SPECC1: variants seen among roughly 807,000 people sequenced by gnomAD.
The protein encoded by SPECC1 is cytospin-B.
A neutral mutation model predicts 104.1 loss-of-function variants in SPECC1; 62 were observed. The observed-to-expected ratio is 0.60, with a 90% CI of 0.49 to 0.74. The LOEUF (loss-of-function observed/expected upper bound fraction) is 0.74, where lower values mean the gene tolerates loss of function less well. SPECC1 is among the 30% of genes least tolerant of loss of function. SPECC1 has a pLI of 0.00. For missense variants in SPECC1, 1,306 were observed against 1,310.5 expected (o/e 1.00, Z 0.05); for synonymous variants, 513 against 501.6 (o/e 1.02, Z -0.30).
intron 1 of SPECC1, among the ~76,000 whole-genome samples, chr17:20,020,358 CAG>C (rs1364273184): frequency 1.3e-5 from 2 of 151,552 alleles, no homozygotes; most frequent in Non-Finnish European, 2.9e-5. Context: ...TTTTTTGAGA[CAG>C]AGTCTTACTC....
At chr17:20,194,468 T>G (rs935922191) in intron 3 of SPECC1, among the ~76,000 whole-genome samples, 2 of 150,774 alleles carry the variant, frequency 1.3e-5, no homozygotes, top group Admixed American at 6.7e-5. Context: ...CATAACCAAT[T>G]TCTCCAATTG....
At chr17:20,061,802 A>G (rs2046192654) in intron 1 of SPECC1, among the ~76,000 whole-genome samples, 1 of 152,220 alleles carries the variant, frequency 6.6e-6, no homozygotes. Flanking sequence ...AGGCACTCTG[A>G]AAGACAAGAC....
At chr17:20,244,310 G>C (rs919209662) in intron 7 of SPECC1, among the ~76,000 whole-genome samples, 1 of 152,156 alleles carries the variant, frequency 6.6e-6, no homozygotes. Flanking sequence ...ATTATTTTCT[G>C]CTCAAACCTA....
intron 4 of SPECC1, among the ~76,000 whole-genome samples, chr17:20,206,412 G>T (rs1210459724): frequency 1.3e-5 from 2 of 152,144 alleles, no homozygotes; most frequent in Admixed American, 1.3e-4. Context: ...TTTTCTTCCA[G>T]ATATATGTGT....
chr17:20,192,671 T>G (rs922084849), intron 3 of SPECC1, among the ~76,000 whole-genome samples: 29 of 152,230 alleles, frequency 1.9e-4, no homozygotes, highest in Admixed American at 6.5e-5. Context: ...GTTTCTTTCA[T>G]CTGTACTTTA....
intron 2 of SPECC1, among the ~76,000 whole-genome samples, chr17:20,104,764 AAAG>A (rs2048115043): frequency 1.3e-5 from 2 of 149,222 alleles, no homozygotes; most frequent in African/African-American, 2.5e-5. Context: ...AAAAAAAAAA[AAAG>A]AAAAAAAAAT....
At chr17:20,260,485 A>G (rs1165684199) in intron 12 of SPECC1, among the ~76,000 whole-genome samples, 191 bp downstream of exon 12, 1 of 152,214 alleles carries the variant, frequency 6.6e-6, no homozygotes, top group Admixed American at 6.5e-5. Flanking sequence ...GACAGAGGCA[A>G]ATGCAACTGA....
intron 1 of SPECC1, among the ~76,000 whole-genome samples, chr17:20,088,367 G>A (rs774489882): frequency 3.5e-4 from 54 of 152,284 alleles, no homozygotes; most frequent in Non-Finnish European, 6.5e-4. Context: ...GCATTAAGTG[G>A]TAGGCAAGAA....
chr17:20,253,594 A>T lies in SPECC1; in HGVS notation c.2680+8A>T. ...CTGACCTTCCCCTCTCAGGTAAATT[A>T]TGTCAACATAAAGAACTTTTGACTT... On this transcript the variant is annotated splice_region_variant and intron_variant, in intron 10 of 14. Coordinates refer to ENST00000395527, the MANE Select transcript of SPECC1 (RefSeq NM_001243439.2). 1 of 1,613,560 alleles carries T rather than the reference A, an allele frequency of 6.2e-7. No individual in the cohort carries two copies. The highest frequency in any genetic ancestry group is 2.2e-5 in the East Asian group (1 of 44,870).
intron 1 of SPECC1, among the ~76,000 whole-genome samples, chr17:20,066,431 C>A (rs2046360157): frequency 6.6e-6 from 1 of 152,188 alleles, no homozygotes; most frequent in African/African-American, 2.4e-5. Context: ...GGAACTTAGC[C>A]TGCACGGAGA....
chr17:20,241,517 G>T (rs1278144132), intron 7 of SPECC1, among the ~76,000 whole-genome samples: 1 of 152,130 alleles, frequency 6.6e-6, no homozygotes, highest in Non-Finnish European at 1.5e-5. Flanking sequence ...GGGAATTGAG[G>T]GAAAGCCCTT....
intron 3 of SPECC1, among the ~76,000 whole-genome samples, chr17:20,129,232 T>C (rs1465264845): frequency 6.6e-6 from 1 of 151,440 alleles, no homozygotes; most frequent in Non-Finnish European, 1.5e-5. Flanking sequence ...ATCACCAGGC[T>C]GGAGTGCAGT....
At chr17:20,148,339 A>G (rs1261517080) in intron 3 of SPECC1, among the ~76,000 whole-genome samples, 1 of 151,996 alleles carries the variant, frequency 6.6e-6, no homozygotes, top group Non-Finnish European at 1.5e-5. Context: ...TCCTGGGCTC[A>G]AGTGGTTCTC....
In SPECC1 at chr17:20,317,204, C is replaced by T. The variant is rs1041130035; in HGVS notation, c.*3139C>T. ...CTGAGGTGGGAGGATTGCTTGAGCCCAGGAGTTTGAGACCAGCCTGGGCAA... is the reference window on the plus strand; with the variant it reads ...CTGAGGTGGGAGGATTGCTTGAGCCTAGGAGTTTGAGACCAGCCTGGGCAA... On this transcript the variant is annotated 3_prime_UTR_variant, in exon 15 of 15. Transcript: ENST00000395527. 6.0e-6 allele frequency: 1 copy of T among 167,868 alleles called. No homozygotes were observed. The highest frequency in any genetic ancestry group is 1.3e-5 in the Non-Finnish European group (1 of 79,722). The allele number at this position is 167,868 out of a possible 1,614,324, so 10.4% of individuals were successfully genotyped here.
rs371566248 is a variant in SPECC1, at chr17:20,271,117, A to G, written c.2940+10823A>G. On this transcript the variant is annotated intron_variant, in intron 12 of 14. Coordinates refer to ENST00000395527, the MANE Select transcript of SPECC1 (RefSeq NM_001243439.2). The stretch of plus-strand genomic sequence containing the variant: ...TTTATCAAAGCTCTGCATGCCCACA[A>G]TCAGGTATGCAGAGATCCTGATGAG... 3.5e-3 allele frequency among the ~76,000 whole-genome samples: 539 copies of G among 151,852 alleles called. 1 individual carries two copies. The highest frequency in any genetic ancestry group is 0.013 in the African/African-American group (521 of 41,412).
In SPECC1 at chr17:20,239,001, G is replaced by A. The variant is rs141228760; in HGVS notation, c.2351+6596G>A. 667 of 1,035,940 alleles carry A rather than the reference G, an allele frequency of 6.4e-4. 5 individuals carry two copies. The African/African-American group carries it at 9.7e-3, about 15-fold the overall frequency. 64.2% of individuals were successfully genotyped at this position (1,035,940 alleles called of 1,614,324 possible). A position where few individuals can be genotyped will look rare whatever the true frequency, so the allele number is the denominator to read the frequency against. On this transcript the variant is annotated intron_variant, in intron 7 of 14. Transcript: ENST00000395527. ...TTTCAGAACTTCAAAGTCACATCAAGTAACTAGAATTTGAGGTAGAAAAAA... is the reference window on the plus strand; with the variant it reads ...TTTCAGAACTTCAAAGTCACATCAAATAACTAGAATTTGAGGTAGAAAAAA...
chr17:20,109,523 C>T (rs548627116), intron 2 of SPECC1, among the ~76,000 whole-genome samples: 1 of 152,292 alleles, frequency 6.6e-6, no homozygotes, highest in Admixed American at 6.5e-5. Flanking sequence ...GACTTCAGCA[C>T]CTTTTAGCAA....
intron 7 of SPECC1, among the ~76,000 whole-genome samples, chr17:20,242,536 T>C (rs989036679): frequency 2.0e-5 from 3 of 152,228 alleles, no homozygotes; most frequent in Admixed American, 6.5e-5. Context: ...TTCTCTAGTA[T>C]GGGTTGCCGC....
At position 20,079,162 on chromosome 17, in the gene SPECC1, C is replaced by T. The variant is rs141037600; in HGVS notation, c.-21-17469C>T. On this transcript the variant is annotated intron_variant, in intron 1 of 14. Coordinates refer to ENST00000395527, the MANE Select transcript of SPECC1 (RefSeq NM_001243439.2). ...AAGTTGCTTTATTGATGGGCGCCGACCTCTTCCATCTCCTGTGCCTGTTTT... is the reference window on the plus strand; with the variant it reads ...AAGTTGCTTTATTGATGGGCGCCGATCTCTTCCATCTCCTGTGCCTGTTTT... Among the ~76,000 whole-genome samples the T allele has an allele frequency of 1.3e-3, 201 of 152,288 alleles. 3 individuals are homozygous for T. Among genetic ancestry groups the T allele is most frequent in the Admixed American group, 9.0e-3 (138 of 15,296 alleles).
Sources: allele counts gnomAD v4.1 joint callset (sites outside exome capture counted in the v4.1 genomes callset), GRCh38; gene constraint gnomAD v4.1.1; transcripts MANE v1.5; gene names NCBI Gene and HGNC (gene_info 2026-07-23, HGNC 2026-07-21).